NPAS3: variants seen among roughly 807,000 people sequenced by gnomAD.
The protein encoded by NPAS3 is neuronal PAS domain protein 3.
NPAS3 carries 14 observed loss-of-function variants against 73.1 expected under a neutral mutation model. The observed-to-expected ratio is 0.19, with a 90% CI of 0.13 to 0.30. The LOEUF is 0.30. NPAS3 is among the 10% of genes least tolerant of loss of function. The pLI is 1.00. For synonymous variants in NPAS3, 620 were observed against 541.5 expected (o/e 1.14, Z -2.01); for missense variants, 1,096 against 1,250.0 (o/e 0.88, Z 1.86).
intron 5 of NPAS3, among the ~76,000 whole-genome samples, chr14:33,666,091 T>G (rs2059442926): frequency 6.6e-6 from 1 of 152,174 alleles, no homozygotes; most frequent in South Asian, 2.1e-4. Context: ...AACCTGTTCT[T>G]TAGTATTTTA....
intron 3 of NPAS3, among the ~76,000 whole-genome samples, chr14:33,225,164 A>G (rs1263945418): frequency 1.3e-5 from 2 of 152,234 alleles, no homozygotes; most frequent in African/African-American, 4.8e-5. Flanking sequence ...TACAATATCA[A>G]TCAATGGAAA....
chr14:33,430,707 A>G (rs2048748878), intron 4 of NPAS3, among the ~76,000 whole-genome samples: 1 of 152,198 alleles, frequency 6.6e-6, no homozygotes, highest in South Asian at 2.1e-4. Context: ...AAGGTTGTAG[A>G]TGCACATTTG....
At chr14:33,452,879 A>G (rs1261416740) in intron 4 of NPAS3, among the ~76,000 whole-genome samples, 3 of 151,802 alleles carry the variant, frequency 2.0e-5, no homozygotes, top group Non-Finnish European at 2.9e-5. Flanking sequence ...AAAATTAAGT[A>G]TATGTATTCC....
chr14:33,636,727 G>A (rs915030966), intron 5 of NPAS3, among the ~76,000 whole-genome samples: 1 of 152,134 alleles, frequency 6.6e-6, no homozygotes, highest in Non-Finnish European at 1.5e-5. Flanking sequence ...AGAGTCACAC[G>A]GCTGTGAAAT....
chr14:33,216,649 T>G (rs986787832), intron 3 of NPAS3, among the ~76,000 whole-genome samples: 2 of 152,214 alleles, frequency 1.3e-5, no homozygotes, highest in African/African-American at 4.8e-5. Context: ...TCTCCTGTTG[T>G]AGCATAAAAT....
rs147167496 is a variant in NPAS3, at chr14:33,300,699, C to T, written c.386-66487C>T. On this transcript the variant is annotated intron_variant, in intron 3 of 11. Coordinates refer to ENST00000356141, the Ensembl canonical transcript of NPAS3. ...AGAGCAGGGGAGAGGCTCTGCATTG[C>T]GGGTGAGGGGTGGAGTCTCCTTTTG... Among the ~76,000 whole-genome samples, 867 of 151,950 alleles carry T rather than the reference C, an allele frequency of 5.7e-3. 11 individuals are homozygous for T. Among genetic ancestry groups the T allele is most frequent in the African/African-American group, 0.018 (740 of 41,450 alleles).
intron 2 of NPAS3, among the ~76,000 whole-genome samples, chr14:33,132,420 G>A (rs2043674050): frequency 6.6e-6 from 1 of 152,122 alleles, no homozygotes. Context: ...GAGACTAGAA[G>A]TCTTATATTT....
At position 33,274,575 on chromosome 14, in the gene NPAS3, A is replaced by T. The variant is rs545054985; in HGVS notation, c.385+59149A>T. Among the ~76,000 whole-genome samples the T allele has an allele frequency of 5.1e-4, 78 of 152,146 alleles. 2 individuals carry two copies. Among genetic ancestry groups the T allele is most frequent in the South Asian group, 5.0e-3 (24 of 4,802 alleles). On this transcript the variant is annotated intron_variant, in intron 3 of 11. Coordinates refer to ENST00000356141, the Ensembl canonical transcript of NPAS3. ...GACCCATCCCCTTCTCATATGCATT[A>T]TTCTTCTCACTTCATAACTAGCCTC...
intron 3 of NPAS3, among the ~76,000 whole-genome samples, chr14:33,233,100 C>A (rs1566706072): frequency 6.6e-6 from 1 of 152,104 alleles, no homozygotes; most frequent in Non-Finnish European, 1.5e-5. Context: ...GATGACAAAT[C>A]AAATTACTTA....
intron 1 of NPAS3, among the ~76,000 whole-genome samples, chr14:32,972,818 G>T (rs1252413758): frequency 1.3e-5 from 2 of 152,300 alleles, no homozygotes; most frequent in African/African-American, 4.8e-5. Context: ...GTGATAGAAG[G>T]ATTGGAATAG....
intron 3 of NPAS3, among the ~76,000 whole-genome samples, chr14:33,366,102 T>A (rs1327315480): frequency 6.6e-6 from 1 of 152,152 alleles, no homozygotes; most frequent in Non-Finnish European, 1.5e-5. Flanking sequence ...GCAAATGGAT[T>A]TTTTATGATG....
intron 2 of NPAS3, among the ~76,000 whole-genome samples, chr14:33,163,358 G>A (rs965656385): frequency 1.3e-5 from 2 of 152,336 alleles, no homozygotes; most frequent in African/African-American, 4.8e-5. Context: ...GAGCATGTAA[G>A]ATAGCAGAGG....
intron 1 of NPAS3, among the ~76,000 whole-genome samples, chr14:33,016,011 A>T (rs925436121): frequency 6.6e-6 from 1 of 152,172 alleles, no homozygotes; most frequent in African/African-American, 2.4e-5. Context: ...TGGGATTGTA[A>T]AACTATCAGT....
At chr14:33,385,900 C>T (rs574196107) in intron 4 of NPAS3, among the ~76,000 whole-genome samples, 103 of 152,212 alleles carry the variant, frequency 6.8e-4, no homozygotes, top group Non-Finnish European at 1.1e-3. Flanking sequence ...CTGACGCTGG[C>T]CTTATGAAAG....
At chr14:33,793,163 T>C (rs1352546036) in intron 9 of NPAS3, among the ~76,000 whole-genome samples, 1 of 152,220 alleles carries the variant, frequency 6.6e-6, no homozygotes, top group Non-Finnish European at 1.5e-5. Flanking sequence ...TTACTGATTG[T>C]TTTTACTTGC....
At chr14:33,441,701 T>A (rs1228469094) in intron 4 of NPAS3, among the ~76,000 whole-genome samples, 1 of 152,252 alleles carries the variant, frequency 6.6e-6, no homozygotes. Flanking sequence ...TATCCGAGAC[T>A]GGATAATTTA....
At chr14:33,344,160 T>C (rs2044621939) in intron 3 of NPAS3, among the ~76,000 whole-genome samples, 1 of 152,204 alleles carries the variant, frequency 6.6e-6, no homozygotes, top group Admixed American at 6.5e-5. Flanking sequence ...CCAAAAATGA[T>C]GATTTTCTTT....
At chr14:33,100,048 C>T (rs1001756061) in intron 2 of NPAS3, among the ~76,000 whole-genome samples, 6 of 152,268 alleles carry the variant, frequency 3.9e-5, no homozygotes, top group African/African-American at 1.4e-4. Flanking sequence ...TATTTCAAGG[C>T]AACTATATGT....
chr14:33,607,814 ACT>A (rs1227291424), intron 5 of NPAS3, among the ~76,000 whole-genome samples: 7 of 152,202 alleles, frequency 4.6e-5, no homozygotes, highest in African/African-American at 1.4e-4. Context: ...GCCCCAGGAA[ACT>A]CAGAATCATG....
Sources: gnomAD v4.1 joint callset for allele counts (sites outside exome capture counted in the v4.1 genomes callset) on GRCh38, gnomAD v4.1.1 for gene constraint, MANE v1.5 for transcripts, NCBI Gene and HGNC (gene_info 2026-07-23, HGNC 2026-07-21) for gene names.